Variants in TAFA5 observed in about 807,000 individuals in gnomAD.
The protein encoded by TAFA5 is TAFA chemokine like family member 5, also known as chemokine-like protein TAFA-5.
In TAFA5, 6 loss-of-function variants were observed where a neutral mutation model predicts 15.3. The ratio of observed to expected loss-of-function variants is 0.39; its 90% CI spans 0.21 to 0.77. TAFA5 has a LOEUF of 0.77. TAFA5 is among the 30% of genes least tolerant of loss of function. The pLI, the probability that TAFA5 is intolerant of heterozygous loss-of-function variation, is 0.41. For missense variants in TAFA5, 161 were observed against 193.1 expected (o/e 0.83, Z 0.98); for synonymous variants, 103 against 80.7 (o/e 1.28, Z -1.48).
At chr22:48,492,754 C>T (rs1188014848) in intron 1 of TAFA5, among the ~76,000 whole-genome samples, 6 of 152,154 alleles carry the variant, frequency 3.9e-5, no homozygotes, top group Non-Finnish European at 7.3e-5. Context: ...GTTTCCTCCG[C>T]GGCCGGTGCT....
At position 48,590,959 on chromosome 22, in the gene TAFA5, C is replaced by G. The variant is rs543010253; in HGVS notation, c.113-55638C>G. On this transcript the variant is annotated intron_variant, in intron 1 of 3. Transcript: ENST00000402357. The stretch of plus-strand genomic sequence containing the variant: ...CTCCGCCTCCCAGGTTCAAGCAGTT[C>G]TCCCGCCTCAGCCTCCTGAGTAGCT... Among the ~76,000 whole-genome samples the G allele has an allele frequency of 5.3e-5, 8 of 151,968 alleles. No individual in the cohort carries two copies. In the East Asian group the frequency reaches 1.4e-3, roughly 26 times the overall value.
intron 1 of TAFA5, among the ~76,000 whole-genome samples, chr22:48,605,285 T>A (rs1380061478): frequency 0.02 from 46 of 2,248 alleles, no homozygotes; most frequent in African/African-American, 0.077. Context: ...GGTGATGATG[T>A]TGTTAATGGT....
intron 2 of TAFA5, among the ~76,000 whole-genome samples, chr22:48,656,689 C>T (rs1407798980): frequency 7.2e-6 from 1 of 139,370 alleles, no homozygotes; most frequent in Non-Finnish European, 1.5e-5. Context: ...TGAAAATTAC[C>T]AAAAGTTCTT....
At chr22:48,686,899 A>AATGGATGG (rs55750601) in intron 2 of TAFA5, among the ~76,000 whole-genome samples, 4,419 of 136,326 alleles carry the variant, frequency 0.032, 82 homozygotes, top group Non-Finnish European at 0.045. Flanking sequence ...TTGATGGTTG[A>AATGGATGG]ATGGATGGAT....
intron 1 of TAFA5, among the ~76,000 whole-genome samples, chr22:48,639,909 C>T (rs760969810): frequency 6.6e-6 from 1 of 152,154 alleles, no homozygotes. Context: ...TGCTCTCCCC[C>T]TCATCCACAG....
intron 2 of TAFA5, among the ~76,000 whole-genome samples, chr22:48,670,693 T>A (rs1267863567): frequency 6.6e-6 from 1 of 152,244 alleles, no homozygotes; most frequent in Admixed American, 6.5e-5. Flanking sequence ...ACCCGGCAAT[T>A]TTGCCGTCTC....
intron 1 of TAFA5, among the ~76,000 whole-genome samples, chr22:48,630,843 G>A (rs549627950): frequency 3.3e-5 from 5 of 152,260 alleles, no homozygotes; most frequent in African/African-American, 7.2e-5. Context: ...CAGGCCCCCC[G>A]AGGAAAAGCA....
intron 3 of TAFA5, among the ~76,000 whole-genome samples, chr22:48,732,077 T>A (rs1442282919): frequency 1.3e-5 from 2 of 152,172 alleles, no homozygotes; most frequent in Non-Finnish European, 2.9e-5. Context: ...TGCATGGCTT[T>A]GAGAGAGTTT....
At chr22:48,506,520 G>A (rs1921001599) in intron 1 of TAFA5, among the ~76,000 whole-genome samples, 1 of 152,198 alleles carries the variant, frequency 6.6e-6, no homozygotes, top group Non-Finnish European at 1.5e-5. Context: ...TGAGACCACA[G>A]GGGTGACAGG....
intron 3 of TAFA5, among the ~76,000 whole-genome samples, chr22:48,740,411 C>T (rs1930146703): frequency 6.6e-6 from 1 of 152,218 alleles, no homozygotes; most frequent in South Asian, 2.1e-4. Context: ...GCAGATAAGA[C>T]ACAGCAATAG....
At chr22:48,642,715 T>C (rs764502759) in intron 1 of TAFA5, among the ~76,000 whole-genome samples, 1 of 152,144 alleles carries the variant, frequency 6.6e-6, no homozygotes. Context: ...CTGTGTGATA[T>C]ATGCTGACCC....
At chr22:48,581,416 T>A (rs1477040060) in intron 1 of TAFA5, among the ~76,000 whole-genome samples, 1 of 152,214 alleles carries the variant, frequency 6.6e-6, no homozygotes, top group Admixed American at 6.5e-5. Flanking sequence ...TGGAAACTCA[T>A]CAGTCTCCCA....
At chr22:48,541,038 C>T (rs1922352382) in intron 1 of TAFA5, among the ~76,000 whole-genome samples, 1 of 152,042 alleles carries the variant, frequency 6.6e-6, no homozygotes, top group Admixed American at 6.6e-5. Flanking sequence ...GCTGAGGAAC[C>T]TGTTCAGGGA....
intron 1 of TAFA5, among the ~76,000 whole-genome samples, chr22:48,555,340 C>T (rs1922997492): frequency 6.6e-6 from 1 of 152,356 alleles, no homozygotes; most frequent in East Asian, 1.9e-4. Context: ...TCAGAGCAAT[C>T]CCCTGTCTCA....
At chr22:48,544,623 T>C (rs1312921056) in intron 1 of TAFA5, 3 of 455,750 alleles carry the variant, frequency 6.6e-6, no homozygotes, top group Non-Finnish European at 1.4e-5. Context: ...GCTAGGTGCC[T>C]TGCATTTCCA....
At chr22:48,602,808 G>T (rs540162233) in intron 1 of TAFA5, among the ~76,000 whole-genome samples, 4 of 152,272 alleles carry the variant, frequency 2.6e-5, no homozygotes, top group South Asian at 2.1e-4. Context: ...AGATGGTTTG[G>T]CCAGAGGCTT....
chr22:48,620,209 C>T (rs1601620583), intron 1 of TAFA5, among the ~76,000 whole-genome samples: 2 of 152,022 alleles, frequency 1.3e-5, no homozygotes, highest in East Asian at 1.9e-4. Context: ...CCCTTGGTGT[C>T]CTCTCTGGTG....
At position 48,618,421 on chromosome 22, in the gene TAFA5, C is replaced by T. The variant is rs548362865; in HGVS notation, c.113-28176C>T. Among the ~76,000 whole-genome samples the T allele has an allele frequency of 2.6e-5, 4 of 152,360 alleles. No homozygotes were observed. In the East Asian group the frequency reaches 5.8e-4, roughly 22 times the overall value. On this transcript the variant is annotated intron_variant, in intron 1 of 3. Coordinates refer to ENST00000402357, the MANE Select transcript of TAFA5 (RefSeq NM_001082967.3). ...CGTGCAGTTTTGGAACAAGAGACCT[C>T]GTAAATACTTTATTGGAGCAAGCTC...
chr22:48,683,967 G>A (rs907043122), intron 2 of TAFA5, among the ~76,000 whole-genome samples: 2 of 152,066 alleles, frequency 1.3e-5, no homozygotes, highest in African/African-American at 4.8e-5. Flanking sequence ...AGTTTCCTCT[G>A]TGGCCTCCCC....
Sources: gnomAD v4.1 joint callset for allele counts (sites outside exome capture counted in the v4.1 genomes callset) on GRCh38, gnomAD v4.1.1 for gene constraint, MANE v1.5 for transcripts, NCBI Gene and HGNC (gene_info 2026-07-23, HGNC 2026-07-21) for gene names.